The following TMPRSS11F variants were observed in gnomAD, a reference collection of about 807,000 sequenced individuals.
TMPRSS11F encodes the protein transmembrane serine protease 11F.
A neutral mutation model predicts 60.2 loss-of-function variants in TMPRSS11F; 47 were observed. The observed-to-expected ratio is 0.78, with a 90% confidence interval of 0.62 to 1.00. TMPRSS11F has a LOEUF of 1.00. TMPRSS11F is among the 50% of genes least tolerant of loss of function. TMPRSS11F has a pLI of 0.00. For missense variants in TMPRSS11F, 519 were observed against 522.9 expected (o/e 0.99, Z 0.07); for synonymous variants, 166 against 167.3 (o/e 0.99, Z 0.06).
At chr4:68,055,038 T>C (rs1335849563) in intron 9 of TMPRSS11F, among the ~76,000 whole-genome samples, 2 of 151,882 alleles carry the variant, frequency 1.3e-5, no homozygotes, top group African/African-American at 4.8e-5. Flanking sequence ...ACAAGGGAAG[T>C]GGGGGTTAGG....
intron 1 of TMPRSS11F, among the ~76,000 whole-genome samples, chr4:68,126,175 ATG>A (rs1476642533): frequency 3.9e-5 from 6 of 152,238 alleles, no homozygotes; most frequent in Non-Finnish European, 8.8e-5. Flanking sequence ...ATATGTGTGT[ATG>A]TGTGTATTTG....
intron 9 of TMPRSS11F, among the ~76,000 whole-genome samples, chr4:68,054,915 A>G (rs139061871): frequency 2.6e-4 from 40 of 152,370 alleles, no homozygotes; most frequent in African/African-American, 9.6e-4. Flanking sequence ...AATTACCATC[A>G]TGATACGTGC....
intron 4 of TMPRSS11F, 143 bp from the exon 5 acceptor site, chr4:68,072,629 TTAA>T: frequency 6.1e-6 from 3 of 492,824 alleles, no homozygotes; most frequent in Non-Finnish European, 9.7e-6. Context: ...GATACAGAGA[TTAA>T]AAATGAGTGT....
At chr4:68,121,533 T>C (rs1325834760) in intron 1 of TMPRSS11F, among the ~76,000 whole-genome samples, 3 of 152,188 alleles carry the variant, frequency 2.0e-5, no homozygotes, top group Non-Finnish European at 2.9e-5. Context: ...TTATTTTATA[T>C]ATATATAACA....
chr4:68,093,257 CT>C (rs1723982118), intron 2 of TMPRSS11F, among the ~76,000 whole-genome samples: 1 of 152,082 alleles, frequency 6.6e-6, no homozygotes, highest in South Asian at 2.1e-4. Flanking sequence ...TAGTATACCC[CT>C]TTATATAAGA....
At chr4:68,103,649 T>C (rs928398435) in intron 1 of TMPRSS11F, among the ~76,000 whole-genome samples, 2 of 152,176 alleles carry the variant, frequency 1.3e-5, no homozygotes, top group East Asian at 1.9e-4. Context: ...AGGTCTTTTA[T>C]GGCTCCATAC....
intron 8 of TMPRSS11F, chr4:68,062,494 GT>G (rs773402305): frequency 4.3e-6 from 3 of 697,496 alleles, no homozygotes; most frequent in South Asian, 4.1e-5. Context: ...CAGTAATGTT[GT>G]AATTAGAAAT....
intron 4 of TMPRSS11F, among the ~76,000 whole-genome samples, chr4:68,073,146 T>C (rs1723515288): frequency 6.6e-6 from 1 of 152,144 alleles, no homozygotes; most frequent in Non-Finnish European, 1.5e-5. Context: ...ATAATCTTGA[T>C]TGGCACCCAC....
intron 3 of TMPRSS11F, among the ~76,000 whole-genome samples, chr4:68,084,311 G>T (rs4860279): frequency 0.95 from 143,737 of 152,098 alleles, 68,441 homozygotes; most frequent in East Asian, 1. Flanking sequence ...TTCAAGAAAT[G>T]CAAAGAACTC....
intron 1 of TMPRSS11F, 23 bp from the exon 2 acceptor site, chr4:68,099,061 G>A: frequency 6.3e-7 from 1 of 1,591,976 alleles, no homozygotes; most frequent in Non-Finnish European, 8.6e-7. Context: ...AAAGAAAATA[G>A]AGACAATAAA....
chr4:68,115,234 G>C (rs1724492122), intron 1 of TMPRSS11F, among the ~76,000 whole-genome samples: 1 of 151,268 alleles, frequency 6.6e-6, no homozygotes, highest in South Asian at 2.1e-4. Context: ...GCGGGCGCCT[G>C]TAGTCCCAGC....
intron 9 of TMPRSS11F, among the ~76,000 whole-genome samples, chr4:68,058,170 C>T (rs1193852617): frequency 6.6e-6 from 1 of 152,002 alleles, no homozygotes; most frequent in Non-Finnish European, 1.5e-5. Flanking sequence ...AGCAGGGTGA[C>T]TATAATCAAT....
At chr4:68,067,581 G>GA (rs1265932084) in intron 7 of TMPRSS11F, among the ~76,000 whole-genome samples, 37 of 152,354 alleles carry the variant, frequency 2.4e-4, no homozygotes, top group African/African-American at 8.7e-4. Flanking sequence ...GTGTGAATAT[G>GA]AAAAAATTAG....
intron 1 of TMPRSS11F, among the ~76,000 whole-genome samples, chr4:68,119,270 G>A (rs958973683): frequency 2.0e-5 from 3 of 152,028 alleles, no homozygotes; most frequent in African/African-American, 7.2e-5. Context: ...GTTAGTTCAT[G>A]AGATTTAAGG....
chr4:68,100,863 C>T (rs1419631532), intron 1 of TMPRSS11F, among the ~76,000 whole-genome samples: 3 of 152,114 alleles, frequency 2.0e-5, no homozygotes, highest in Admixed American at 6.5e-5. Flanking sequence ...ACTATGTACT[C>T]ATGTGAAACA....
intron 1 of TMPRSS11F, among the ~76,000 whole-genome samples, chr4:68,101,144 A>T (rs1448266594): frequency 6.6e-6 from 1 of 152,126 alleles, no homozygotes; most frequent in Non-Finnish European, 1.5e-5. Context: ...TTTTTAAAAA[A>T]TCATAGTCAC....
At chr4:68,129,604 AAAC>A (rs1413204717) in intron 1 of TMPRSS11F, among the ~76,000 whole-genome samples, 3 of 152,194 alleles carry the variant, frequency 2.0e-5, no homozygotes, top group Admixed American at 2.0e-4. Context: ...TAGAAACAAA[AAAC>A]ACCACATTGG....
intron 1 of TMPRSS11F, among the ~76,000 whole-genome samples, chr4:68,123,834 A>C (rs1295687009): frequency 6.6e-6 from 1 of 152,196 alleles, no homozygotes; most frequent in Non-Finnish European, 1.5e-5. Context: ...AAGCCTCTAC[A>C]ATCTATTCAA....
At chr4:68,085,669 A>G (rs1723797761) in intron 3 of TMPRSS11F, among the ~76,000 whole-genome samples, 1 of 152,226 alleles carries the variant, frequency 6.6e-6, no homozygotes, top group Admixed American at 6.5e-5. Flanking sequence ...TGCTGCCTTC[A>G]AAAGAACCAT....
Sources: gnomAD v4.1 joint callset for allele counts (sites outside exome capture counted in the v4.1 genomes callset) on GRCh38, gnomAD v4.1.1 for gene constraint, MANE v1.5 for transcripts, NCBI Gene and HGNC (gene_info 2026-07-23, HGNC 2026-07-21) for gene names.